KRT72: variants seen among roughly 807,000 people sequenced by gnomAD.
The protein encoded by KRT72 is keratin 72.
Under a neutral mutation model 44.7 loss-of-function variants are expected in KRT72, and 44 were observed. That is an observed-to-expected ratio of 0.98 (90% CI 0.77 to 1.27). The LOEUF (loss-of-function observed/expected upper bound fraction) is 1.27, where lower values mean the gene tolerates loss of function less well. Ranked by LOEUF, KRT72 falls within the 50% of genes most tolerant of loss-of-function variation. KRT72 has a pLI of 0.00. For synonymous variants in KRT72, 302 were observed against 280.4 expected (o/e 1.08, Z -0.77); for missense variants, 736 against 667.1 (o/e 1.10, Z -1.14).
At chr12:52,587,424 A>C (rs1939809595) in intron 7 of KRT72, among the ~76,000 whole-genome samples, 1 of 152,138 alleles carries the variant, frequency 6.6e-6, no homozygotes, top group Admixed American at 6.5e-5. Context: ...TGCCGGCATT[A>C]ATACCTCCTC....
rs1304385933 is a variant in KRT72 at position 52,586,307 on chromosome 12, G to A, written c.1346-135C>T. ...TGCTGAGATGGATTCTCTCTGTTGT[G>A]TGTTTCAGTCTACTAAGAGATTTTT... is the stretch of plus-strand genomic sequence containing the variant. On this transcript the variant is annotated intron_variant, in intron 8 of 8. Coordinates refer to ENST00000293745, the MANE Select transcript of KRT72 (RefSeq NM_080747.3). The A allele has an allele frequency of 7.6e-6, 5 of 654,538 alleles. No individual in the cohort carries two copies. The African/African-American group carries it at 9.1e-5, about 12-fold the overall frequency. 40.5% of individuals were successfully genotyped at this position (654,538 alleles called of 1,614,324 possible).
chr12:52,592,034 A>G (rs1404762382), intron 4 of KRT72, among the ~76,000 whole-genome samples: 1 of 151,554 alleles, frequency 6.6e-6, no homozygotes, highest in African/African-American at 2.4e-5. Context: ...TGGACCTTCT[A>G]TTTTTCTGCC....
In KRT72 at chr12:52,601,182, C is replaced by G. The variant is rs1369561610; in HGVS notation, c.271G>C (p.Val91Leu). Reference sequence around the variant, plus strand: ...TGAGGGATGCCCCCGGGTGGGCACACGGAGGGACACTTGGGCCCCAGCCCG... The same window carrying G: ...TGAGGGATGCCCCCGGGTGGGCACAGGGAGGGACACTTGGGCCCCAGCCCG... ...SAGLGPKCPSVCPPGGIPQVT... is the reference protein window; with the variant it reads ...SAGLGPKCPSLCPPGGIPQVT... Residue 91 changes from valine (V) to leucine (L), a missense_variant, in exon 1 of 9, where the codon GTG becomes CTG. Transcript: ENST00000293745. The G allele has an allele frequency of 4.3e-6, 7 of 1,612,878 alleles. No homozygotes were observed. Among genetic ancestry groups the G allele is most frequent in the Non-Finnish European group, 1.7e-6 (2 of 1,179,448 alleles).
intron 4 of KRT72, among the ~76,000 whole-genome samples, 164 bp downstream of exon 4, chr12:52,592,232 C>A (rs1028963258): frequency 2.0e-5 from 3 of 152,172 alleles, no homozygotes; most frequent in African/African-American, 7.2e-5. Context: ...TCCTCAAAAC[C>A]TAGCTCATTG....
chr12:52,598,798 C>G, intron 2 of KRT72, 100 bp downstream of exon 2: 2 of 957,840 alleles, frequency 2.1e-6, no homozygotes, highest in Non-Finnish European at 3.3e-6. Context: ...CTCCCTCCCC[C>G]GGTATCAGCA....
At chr12:52,594,396 C>T (rs7952751) in intron 2 of KRT72, among the ~76,000 whole-genome samples, 53,126 of 151,402 alleles carry the variant, frequency 0.35, 9,897 homozygotes, top group East Asian at 0.59. Flanking sequence ...TAAGAAAATG[C>T]GGCACATCTA....
At chr12:52,592,785 C>A in intron 3 of KRT72, 107 bp downstream of exon 3, 1 of 938,210 alleles carries the variant, frequency 1.1e-6, no homozygotes, top group Non-Finnish European at 1.7e-6. Flanking sequence ...GTCACCCCTG[C>A]CCAAGGGACT....
At position 52,590,904 on chromosome 12, in the gene KRT72, C is replaced by T; in HGVS notation, c.1021G>A (p.Ala341Thr). The change falls in exon 6 of 9, where the codon GCT (alanine) becomes ACT (threonine). Residue 341 changes from alanine to threonine, a missense_variant. By Grantham distance (58) the Ala-to-Thr change is moderately conservative. Transcript: ENST00000293745. ...AGGCGGTTGAGCTCAGAGATTTCAG[C>T]CTTGGTGAGCTTGAGGTCATCCCCA... ...QHGDDLKLTK[A>T]EISELNRLIQ... is the part of the protein sequence containing the mutation. The T allele has an allele frequency of 2.5e-6, 4 of 1,607,956 alleles. No individual in the cohort carries two copies. Among genetic ancestry groups the T allele is most frequent in the Non-Finnish European group, 3.4e-6 (4 of 1,175,508 alleles).
chr12:52,589,345 G>A (rs1939905467), intron 6 of KRT72, among the ~76,000 whole-genome samples: 1 of 152,168 alleles, frequency 6.6e-6, no homozygotes, highest in African/African-American at 2.4e-5. Flanking sequence ...CAGCCTCAAG[G>A]AGATGCCTAG....
chr12:52,590,003 G>C (rs1410075348), intron 6 of KRT72, among the ~76,000 whole-genome samples: 1 of 151,034 alleles, frequency 6.6e-6, no homozygotes, highest in Non-Finnish European at 1.5e-5. Flanking sequence ...GTGTGTGTCT[G>C]TGTGTGTGTG....
chr12:52,598,997 C>T lies in KRT72; in HGVS notation c.542G>A (p.Ser181Asn), dbSNP rs1293365822. ...CATCTCCAGCTGCTTCTGCAGGTTG[C>T]TGATGTAGCCCTCATAAATGGGCTC... ...NLEPIYEGYI[S>N]NLQKQLEMLS... The change falls in exon 2 of 9, where the codon AGC becomes AAC. Residue 181 changes from serine (S) to asparagine (N), a missense_variant. Ser to Asn is a conservative substitution (Grantham distance 46). Transcript: ENST00000293745. 1.2e-6 allele frequency: 2 copies of T among 1,614,070 alleles called. No homozygotes were observed. Among genetic ancestry groups the T allele is most frequent in the Admixed American group, 1.7e-5 (1 of 60,032 alleles).
At chr12:52,594,430 TA>T (rs1193078253) in intron 2 of KRT72, among the ~76,000 whole-genome samples, 21 of 148,032 alleles carry the variant, frequency 1.4e-4, no homozygotes, top group African/African-American at 4.9e-4. Context: ...TATGCAGCCA[TA>T]AAAAAGGATG....
chr12:52,590,982 A>G (rs1053780249), intron 5 of KRT72, 21 bp from the exon 6 acceptor site: 2 of 1,572,416 alleles, frequency 1.3e-6, no homozygotes, highest in Non-Finnish European at 1.7e-6. Flanking sequence ...GTGACAAGAG[A>G]AGAGGAACAC....
At position 52,601,264 on chromosome 12, in the gene KRT72, A is replaced by C. The variant is rs1416708738; in HGVS notation, c.189T>G (p.Ala63=). ...CCAGGCGGCCGCCGCCCCGCCGTGCAGCAGCGCTGAGCGCCAGGCTTCGGC... is the reference window on the plus strand; with the variant it reads ...CCAGGCGGCCGCCGCCCCGCCGTGCCGCAGCGCTGAGCGCCAGGCTTCGGC... The part of the protein sequence containing the change: ...GGSRSLALSA[A]ARRGGGRLGG... The change falls in exon 1 of 9, where the codon GCT becomes GCG. Residue 63 remains alanine, a synonymous_variant. Transcript: ENST00000293745. 2 of 1,557,614 alleles carry C rather than the reference A, an allele frequency of 1.3e-6. No individual in the cohort carries two copies. The highest frequency in any genetic ancestry group is 1.7e-6 in the Non-Finnish European group (2 of 1,151,642).
intron 6 of KRT72, among the ~76,000 whole-genome samples, chr12:52,588,582 A>C (rs1346771077): frequency 6.8e-6 from 1 of 146,130 alleles, no homozygotes; most frequent in African/African-American, 2.8e-5. Context: ...CATGGTTGAT[A>C]GGTGATGGGT....
intron 1 of KRT72, 147 bp from the exon 2 acceptor site, chr12:52,599,259 G>A (rs1209668269): frequency 1.4e-6 from 1 of 736,600 alleles, no homozygotes; most frequent in South Asian, 1.5e-5. Flanking sequence ...TTCAGCCGAG[G>A]GACATGCTCA....
In KRT72 at chr12:52,594,085, C is replaced by T. The variant is rs186836963; in HGVS notation, c.642-1133G>A. On this transcript the variant is annotated intron_variant, in intron 2 of 8. Transcript: ENST00000293745. ...AAAACTTTGAAAAAAAGAATTAAGG[C>T]TAGATAGTAGCTTTTTTATTCATGT... Among the ~76,000 whole-genome samples the T allele has an allele frequency of 1.3e-3, 198 of 152,284 alleles. 1 individual carries two copies. The highest frequency in any genetic ancestry group is 2.1e-3 in the Non-Finnish European group (140 of 68,022).
At chr12:52,590,736 C>T in intron 6 of KRT72, 100 bp downstream of exon 6, 1 of 1,167,784 alleles carries the variant, frequency 8.6e-7, no homozygotes, top group Non-Finnish European at 1.2e-6. Context: ...TTAGAGGAGG[C>T]CCTAAGGAGG....
rs185606180 is a variant in KRT72 at position 52,599,029 on chromosome 12, C to G, written c.510G>C (p.Lys170Asn). The G allele has an allele frequency of 5.7e-5, 92 of 1,614,028 alleles. No homozygotes were observed. The Admixed American group carries it at 8.8e-4, about 15-fold the overall frequency. ...LQQLDLNNCR[K>N]NLEPIYEGYI... is the part of the protein sequence containing the mutation. ...AGCCCTCATAAATGGGCTCCAGGTTCTTCCTGCAGTTGTTCAAGTCCAGCT... is the reference window on the plus strand; with the variant it reads ...AGCCCTCATAAATGGGCTCCAGGTTGTTCCTGCAGTTGTTCAAGTCCAGCT... Residue 170 changes from lysine to asparagine, a missense_variant, in exon 2 of 9, where the codon AAG (lysine) becomes AAC (asparagine). Transcript: ENST00000293745.
Sources: gnomAD v4.1 joint callset for allele counts (sites outside exome capture counted in the v4.1 genomes callset) on GRCh38, gnomAD v4.1.1 for gene constraint, MANE v1.5 for transcripts, NCBI Gene and HGNC (gene_info 2026-07-23, HGNC 2026-07-21) for gene names.